The following FBXL17 variants were observed in gnomAD, a reference collection of about 807,000 sequenced individuals.
The protein encoded by FBXL17 is F-box/LRR-repeat protein 17.
FBXL17 carries 22 observed loss-of-function variants against 66.2 expected under a neutral mutation model. The observed-to-expected ratio is 0.33, with a 90% CI of 0.24 to 0.47. The LOEUF (loss-of-function observed/expected upper bound fraction) is 0.47. Among genes scored for constraint, FBXL17 ranks in the 20% least tolerant of loss-of-function variants. FBXL17 has a pLI of 1.00. For synonymous variants in FBXL17, 474 were observed against 400.5 expected (o/e 1.18, Z -2.19); for missense variants, 878 against 948.2 (o/e 0.93, Z 0.97).
intron 6 of FBXL17, among the ~76,000 whole-genome samples, chr5:108,080,396 T>A (rs1249291862): frequency 6.6e-6 from 1 of 152,258 alleles, no homozygotes; most frequent in Non-Finnish European, 1.5e-5. Flanking sequence ...ATTTCCCATC[T>A]TGTTCAGAAG....
intron 6 of FBXL17, among the ~76,000 whole-genome samples, chr5:108,047,780 A>G (rs1285280373): frequency 6.6e-6 from 1 of 152,186 alleles, no homozygotes; most frequent in African/African-American, 2.4e-5. Context: ...GCTCAGGGAC[A>G]GAACCTAGAT....
At chr5:108,098,679 C>A (rs900224641) in intron 6 of FBXL17, among the ~76,000 whole-genome samples, 7 of 146,390 alleles carry the variant, frequency 4.8e-5, no homozygotes, top group African/African-American at 1.8e-4. Flanking sequence ...CGGGAGGCGG[C>A]GCTTGCAATG....
At chr5:108,105,270 T>C (rs1169936363) in intron 6 of FBXL17, among the ~76,000 whole-genome samples, 1 of 152,158 alleles carries the variant, frequency 6.6e-6, no homozygotes, top group Non-Finnish European at 1.5e-5. Context: ...CCTTGGGGGC[T>C]GGACAAGAAT....
intron 7 of FBXL17, among the ~76,000 whole-genome samples, chr5:107,958,599 C>A (rs17437482): frequency 2.0e-5 from 3 of 152,220 alleles, no homozygotes; most frequent in Admixed American, 2.0e-4. Flanking sequence ...CTCTTATGTG[C>A]TCCTCTGTCC....
intron 6 of FBXL17, among the ~76,000 whole-genome samples, chr5:108,156,808 C>T (rs286778): frequency 0.78 from 118,414 of 151,780 alleles, 46,986 homozygotes; most frequent in East Asian, 0.92. Context: ...TAAACTCGTG[C>T]TCTAATCTGA....
At chr5:108,210,560 T>G (rs1186167062) in intron 5 of FBXL17, among the ~76,000 whole-genome samples, 1 of 152,174 alleles carries the variant, frequency 6.6e-6, no homozygotes, top group East Asian at 1.9e-4. Flanking sequence ...CCCTTCATTT[T>G]ATTATTTACC....
At chr5:108,170,077 C>T (rs550538161) in intron 6 of FBXL17, among the ~76,000 whole-genome samples, 1 of 152,034 alleles carries the variant, frequency 6.6e-6, no homozygotes, top group Non-Finnish European at 1.5e-5. Flanking sequence ...TATATTCACA[C>T]ATAGCAAAAT....
chr5:108,051,261 A>G (rs756382584), intron 6 of FBXL17, among the ~76,000 whole-genome samples: 5 of 152,196 alleles, frequency 3.3e-5, no homozygotes, highest in Non-Finnish European at 7.3e-5. Flanking sequence ...CCTGATAGCA[A>G]AACTGGGAAG....
intron 6 of FBXL17, among the ~76,000 whole-genome samples, chr5:108,031,756 C>T (rs1442388625): frequency 1.3e-5 from 2 of 152,108 alleles, no homozygotes; most frequent in African/African-American, 2.4e-5. Flanking sequence ...TACTTCACTA[C>T]ACCTGTATTT....
chr5:108,251,585 G>A (rs956706995), intron 4 of FBXL17, among the ~76,000 whole-genome samples: 2 of 151,948 alleles, frequency 1.3e-5, no homozygotes, highest in African/African-American at 2.4e-5. Context: ...TCCTGAAACT[G>A]AGCCAAGAGA....
intron 6 of FBXL17, among the ~76,000 whole-genome samples, chr5:108,115,226 A>C (rs1750196040): frequency 6.6e-6 from 1 of 152,224 alleles, no homozygotes; most frequent in South Asian, 2.1e-4. Context: ...GAAAATCAGA[A>C]TGTTCAAACT....
chr5:108,319,402 A>G (rs1759515274), intron 4 of FBXL17, among the ~76,000 whole-genome samples: 1 of 151,892 alleles, frequency 6.6e-6, no homozygotes, highest in Non-Finnish European at 1.5e-5. Flanking sequence ...ACAAGTAACT[A>G]TCATTAGGGA....
In FBXL17 at chr5:107,889,205, A is replaced by G. The variant is rs140670285; in HGVS notation, c.1823-8026T>C. On this transcript the variant is annotated intron_variant, in intron 7 of 8. Transcript: ENST00000542267. ...TACATTAAATTAATGATGGGAAGGC[A>G]CATAATTTTTCTATTATTAGATTAC... Among the ~76,000 whole-genome samples, 501 of 152,356 alleles carry G rather than the reference A, an allele frequency of 3.3e-3. 1 individual carries two copies. Among genetic ancestry groups the G allele is most frequent in the African/African-American group, 0.012 (487 of 41,582 alleles).
At chr5:108,291,671 T>C (rs913567712) in intron 4 of FBXL17, among the ~76,000 whole-genome samples, 3 of 152,176 alleles carry the variant, frequency 2.0e-5, no homozygotes, top group African/African-American at 4.8e-5. Flanking sequence ...GACATCCAAC[T>C]GCGTACTAGA....
rs1748060475 is a variant in FBXL17, at chr5:107,859,401, T to TTTG, written c.*2318_*2319insCAA. On this transcript the variant is annotated 3_prime_UTR_variant, in exon 9 of 9. Transcript: ENST00000542267. ...GCTTTTTTCTGGCTGTTTTTTTTTTTTTTTTTTTTTTTTTTTGAGATTAAT... is the reference window on the plus strand; with the variant it reads ...GCTTTTTTCTGGCTGTTTTTTTTTTTTTGTTTTTTTTTTTTTTTTGAGATTAAT... 2 of 143,596 alleles carry TTTG rather than the reference T, an allele frequency of 1.4e-5. No homozygotes were observed. Among genetic ancestry groups the TTTG allele is most frequent in the Non-Finnish European group, 3.1e-5 (2 of 65,300 alleles). 8.9% of individuals were successfully genotyped at this position (143,596 alleles called of 1,614,324 possible).
At chr5:108,078,020 C>A (rs919166654) in intron 6 of FBXL17, among the ~76,000 whole-genome samples, 11 of 152,140 alleles carry the variant, frequency 7.2e-5, no homozygotes, top group Middle Eastern at 3.2e-3. Context: ...AAACTACAAT[C>A]CAGAAAAATA....
At chr5:108,182,261 A>G (rs1753034724) in intron 6 of FBXL17, among the ~76,000 whole-genome samples, 1 of 152,190 alleles carries the variant, frequency 6.6e-6, no homozygotes, top group Admixed American at 6.6e-5. Flanking sequence ...GAATTAATTG[A>G]TAGGCTAAAC....
chr5:108,228,890 G>A (rs562283291), intron 4 of FBXL17, among the ~76,000 whole-genome samples: 3 of 152,240 alleles, frequency 2.0e-5, no homozygotes, highest in South Asian at 4.2e-4. Flanking sequence ...GCTCTTAACC[G>A]AGTTGCACAC....
At chr5:108,182,108 A>AT (rs1435518198) in intron 6 of FBXL17, among the ~76,000 whole-genome samples, 2 of 152,194 alleles carry the variant, frequency 1.3e-5, no homozygotes, top group Non-Finnish European at 2.9e-5. Context: ...ATTAAGTCTT[A>AT]TGTCACCTAA....
Sources: gnomAD v4.1 joint callset for allele counts (sites outside exome capture counted in the v4.1 genomes callset) on GRCh38, gnomAD v4.1.1 for gene constraint, MANE v1.5 for transcripts, NCBI Gene and HGNC (gene_info 2026-07-23, HGNC 2026-07-21) for gene names.